TMEM62: variants seen among roughly 807,000 people sequenced by gnomAD.
The protein encoded by TMEM62 is transmembrane protein 62.
In TMEM62, 41 loss-of-function variants were observed where a neutral mutation model predicts 70.4. The ratio of observed to expected loss-of-function variants is 0.58; its 90% confidence interval spans 0.45 to 0.76. The LOEUF is 0.76. Among genes scored for constraint, TMEM62 ranks in the 30% least tolerant of loss-of-function variants. The pLI is 0.00. For missense variants in TMEM62, 688 were observed against 788.5 expected (o/e 0.87, Z 1.53); for synonymous variants, 268 against 291.0 (o/e 0.92, Z 0.80).
intron 10 of TMEM62, among the ~76,000 whole-genome samples, chr15:43,162,386 G>A (rs1290793786): frequency 3.9e-4 from 53 of 134,914 alleles, no homozygotes; most frequent in African/African-American, 1.5e-3. Flanking sequence ...TGATCCACCC[G>A]CCTCCCAAAG....
chr15:43,134,814 T>C (rs28539201), intron 2 of TMEM62, among the ~76,000 whole-genome samples: 2 of 152,236 alleles, frequency 1.3e-5, no homozygotes, highest in Non-Finnish European at 2.9e-5. Context: ...CAGGGCACTT[T>C]TTCTTCATCC....
chr15:43,134,149 C>A, intron 1 of TMEM62, 108 bp from the exon 2 acceptor site: 1 of 1,442,700 alleles, frequency 6.9e-7, no homozygotes, highest in Non-Finnish European at 9.4e-7. Context: ...GTTCGTTATG[C>A]ATTGCCTCTT....
rs146885732 is a variant in TMEM62 at position 43,183,851 on chromosome 15, C to T, written c.1606-409C>T. Among the ~76,000 whole-genome samples, 350 of 152,234 alleles carry T rather than the reference C, an allele frequency of 2.3e-3. 3 individuals are homozygous for T. The highest frequency in any genetic ancestry group is 7.9e-3 in the African/African-American group (329 of 41,528). ...AGATACTCTAATTTATATTCCAGTA[C>T]TTATCATGCTACCTCAAACAAAAAT... On this transcript the variant is annotated intron_variant, in intron 13 of 13. Transcript: ENST00000260403.
chr15:43,159,980 TG>T (rs1375564891), intron 9 of TMEM62, among the ~76,000 whole-genome samples: 2 of 152,104 alleles, frequency 1.3e-5, no homozygotes, highest in African/African-American at 4.8e-5. Context: ...TCTCTTTTTT[TG>T]TTTTTTTGAC....
Position 43,138,751 on chromosome 15 carries a change from C to G in TMEM62, c.476+132C>G, listed in dbSNP as rs939876796. The G allele has an allele frequency of 9.2e-6, 7 of 763,962 alleles. No homozygotes were observed. The African/African-American group carries it at 1.2e-4, about 13-fold the overall frequency. 47.3% of individuals were successfully genotyped at this position (763,962 alleles called of 1,614,324 possible). ...CAGGGGTCTCGCTATTTTGCCCAGG[C>G]TAGCTCTGAACTGAGCTCAAACGAT... On this transcript the variant is annotated intron_variant, in intron 4 of 13. Transcript: ENST00000260403.
chr15:43,146,463 A>C (rs2036671578), intron 4 of TMEM62, 30 bp from the exon 5 acceptor site: 2 of 1,589,922 alleles, frequency 1.3e-6, no homozygotes, highest in African/African-American at 2.7e-5. Context: ...TTTTTATTAC[A>C]CTAACACCCT....
intron 13 of TMEM62, among the ~76,000 whole-genome samples, chr15:43,183,339 T>C (rs896039973): frequency 6.6e-6 from 1 of 152,258 alleles, no homozygotes; most frequent in Admixed American, 6.5e-5. Context: ...TCCAGTGTGC[T>C]CTTTTAAAAA....
chr15:43,158,719 GA>G (rs1464036769), intron 9 of TMEM62, among the ~76,000 whole-genome samples: 3 of 152,150 alleles, frequency 2.0e-5, no homozygotes, highest in Admixed American at 6.5e-5. Context: ...TTGGTACCCA[GA>G]TATAAAGTTC....
intron 4 of TMEM62, among the ~76,000 whole-genome samples, chr15:43,140,127 T>C (rs954003557): frequency 6.6e-6 from 1 of 152,094 alleles, no homozygotes; most frequent in Non-Finnish European, 1.5e-5. Context: ...GGGCCTCCTC[T>C]CCCCACCCTT....
At chr15:43,162,327 C>T (rs1416752835) in intron 10 of TMEM62, among the ~76,000 whole-genome samples, 2 of 143,922 alleles carry the variant, frequency 1.4e-5, no homozygotes, top group African/African-American at 2.6e-5. Context: ...TCAGTAGAGT[C>T]GGGGTTTTGC....
chr15:43,146,427 T>C, intron 4 of TMEM62, 66 bp from the exon 5 acceptor site: 4 of 1,470,994 alleles, frequency 2.7e-6, no homozygotes, highest in Non-Finnish European at 2.8e-6. Context: ...TCTAGCGTAT[T>C]AGGGAAGGAA....
chr15:43,165,570 A>G (rs2039302588), intron 10 of TMEM62, among the ~76,000 whole-genome samples: 1 of 151,734 alleles, frequency 6.6e-6, no homozygotes, highest in African/African-American at 2.4e-5. Context: ...CATCTCTACT[A>G]AAAATACAAA....
intron 13 of TMEM62, among the ~76,000 whole-genome samples, chr15:43,182,907 G>A (rs988269973): frequency 3.9e-5 from 6 of 152,126 alleles, no homozygotes; most frequent in African/African-American, 1.4e-4. Flanking sequence ...TGGATTTTAT[G>A]TATCATCCAG....
chr15:43,142,499 G>A (rs1469741347), intron 4 of TMEM62, among the ~76,000 whole-genome samples: 1 of 151,672 alleles, frequency 6.6e-6, no homozygotes, highest in Non-Finnish European at 1.5e-5. Context: ...AATTGATGTA[G>A]CAAACTTCAT....
chr15:43,167,582 C>T (rs1007328560), intron 10 of TMEM62, among the ~76,000 whole-genome samples: 2 of 151,834 alleles, frequency 1.3e-5, no homozygotes, highest in South Asian at 2.1e-4. Flanking sequence ...CGGGAAGAGG[C>T]GCTCCTCACT....
intron 9 of TMEM62, among the ~76,000 whole-genome samples, chr15:43,155,482 C>T (rs1448257705): frequency 1.3e-5 from 2 of 151,866 alleles, no homozygotes; most frequent in East Asian, 1.9e-4. Context: ...AGTAACAAAG[C>T]GAGACCCTAT....
At chr15:43,184,055 C>A in intron 13 of TMEM62, 1 of 592,074 alleles carries the variant, frequency 1.7e-6, no homozygotes, top group Non-Finnish European at 3.0e-6. Flanking sequence ...TTAAATGATA[C>A]CTGCCTCTAA....
At chr15:43,180,054 TA>T (rs2041182328) in intron 12 of TMEM62, 1 of 152,236 alleles carries the variant, frequency 6.6e-6, no homozygotes, top group Non-Finnish European at 1.5e-5. Flanking sequence ...GCAGTTTATA[TA>T]AAGTATATCT....
At chr15:43,137,335 T>C (rs1424795681) in intron 3 of TMEM62, among the ~76,000 whole-genome samples, 5 of 152,270 alleles carry the variant, frequency 3.3e-5, no homozygotes, top group Non-Finnish European at 7.3e-5. Flanking sequence ...AATCTTATAA[T>C]TTCAAAGTTA....
Sources: allele counts gnomAD v4.1 joint callset (sites outside exome capture counted in the v4.1 genomes callset), GRCh38; gene constraint gnomAD v4.1.1; transcripts MANE v1.5; gene names NCBI Gene and HGNC (gene_info 2026-07-23, HGNC 2026-07-21).